The following RASA3 variants were observed in gnomAD, a reference collection of about 807,000 sequenced individuals.
RASA3 encodes the protein ras GTPase-activating protein 3.
Under a neutral mutation model 110.0 loss-of-function variants are expected in RASA3, and 73 were observed. That is an observed-to-expected ratio of 0.66 (90% CI 0.55 to 0.81). The LOEUF (loss-of-function observed/expected upper bound fraction) is 0.81. Among genes scored for constraint, RASA3 ranks in the 30% least tolerant of loss-of-function variants. RASA3 has a pLI of 0.00. For synonymous variants in RASA3, 500 were observed against 451.4 expected (o/e 1.11, Z -1.37); for missense variants, 976 against 1,113.2 (o/e 0.88, Z 1.75).
At chr13:114,119,906 TC>T (rs2080348514) in intron 1 of RASA3, among the ~76,000 whole-genome samples, 16 of 5,502 alleles carry the variant, frequency 2.9e-3, no homozygotes, top group South Asian at 0.013. Flanking sequence ...AGGGCCCCCC[TC>T]CCCTCTCCAG....
intron 2 of RASA3, among the ~76,000 whole-genome samples, chr13:114,070,544 A>G (rs553539334): frequency 6.6e-6 from 1 of 152,186 alleles, no homozygotes; most frequent in Non-Finnish European, 1.5e-5. Context: ...CCCTCACACT[A>G]CAGGGGCGGC....
chr13:114,073,180 T>C (rs2079603750), intron 2 of RASA3, among the ~76,000 whole-genome samples: 1 of 151,402 alleles, frequency 6.6e-6, no homozygotes, highest in African/African-American at 2.4e-5. Context: ...AAAAATTCCC[T>C]ACACGCAGGA....
chr13:114,050,216 G>T (rs963816884), intron 3 of RASA3, among the ~76,000 whole-genome samples: 5 of 152,154 alleles, frequency 3.3e-5, no homozygotes, highest in Non-Finnish European at 7.4e-5. Context: ...GGGTCACGCT[G>T]GACCCTCAAG....
chr13:114,076,781 G>C (rs1183011874), intron 1 of RASA3, among the ~76,000 whole-genome samples: 1 of 152,096 alleles, frequency 6.6e-6, no homozygotes, highest in Non-Finnish European at 1.5e-5. Flanking sequence ...AGTCGGACAG[G>C]GGCCCCTCCA....
At chr13:114,010,208 C>T (rs1403205645) in intron 16 of RASA3, among the ~76,000 whole-genome samples, 1 of 152,202 alleles carries the variant, frequency 6.6e-6, no homozygotes, top group East Asian at 1.9e-4. Context: ...CCCAAGCGGG[C>T]TGCTCCTCCA....
intron 2 of RASA3, among the ~76,000 whole-genome samples, chr13:114,062,576 G>C (rs900093114): frequency 1.5e-5 from 2 of 133,300 alleles, no homozygotes; most frequent in Admixed American, 1.6e-4. Context: ...ACTCGGACAC[G>C]CGTGCTCACA....
chr13:114,087,279 C>CT (rs2079832431), intron 1 of RASA3, among the ~76,000 whole-genome samples: 1 of 150,142 alleles, frequency 6.7e-6, no homozygotes, highest in Admixed American at 6.6e-5. Flanking sequence ...GCGGGGAAAT[C>CT]ACAGGAAGTG....
At chr13:114,022,631 G>A (rs1389608123) in intron 8 of RASA3, among the ~76,000 whole-genome samples, 2 of 152,218 alleles carry the variant, frequency 1.3e-5, no homozygotes, top group Non-Finnish European at 2.9e-5. Flanking sequence ...AGGCTGCACA[G>A]GAACCCACAG....
rs2052836958 is a variant in RASA3 at position 113,978,789 on chromosome 13, T to C, written c.*558A>G. On this transcript the variant is annotated 3_prime_UTR_variant, in exon 24 of 24. Transcript: ENST00000334062. ...CCAGGAATCAAACGAACCTCGAAAG[T>C]GGAACAGGGAGGCCGCCTCCCATGG... The C allele has an allele frequency of 6.5e-6, 1 of 153,644 alleles. No individual in the cohort carries two copies. The highest frequency in any genetic ancestry group is 6.4e-5 in the Admixed American group (1 of 15,606). 9.5% of individuals were successfully genotyped at this position (153,644 alleles called of 1,614,324 possible).
chr13:114,065,800 C>T lies in RASA3; in HGVS notation c.173+7920G>A, dbSNP rs2079438104. 6.6e-6 allele frequency among the ~76,000 whole-genome samples: 1 copy of T among 152,234 alleles called. No individual in the cohort carries two copies. Among genetic ancestry groups the T allele is most frequent in the Non-Finnish European group, 1.5e-5 (1 of 68,038 alleles). On this transcript the variant is annotated intron_variant, in intron 2 of 23. Coordinates refer to ENST00000334062, the MANE Select transcript of RASA3 (RefSeq NM_007368.4). This position sits in a 1 kb window ranked among gnomAD's most constrained non-coding sequence, Gnocchi z 4.1. ...ACTCACCACCCAGCACGGCAGGTCT[C>T]AGCGGAAGCCCCACACACACTGGGT...
chr13:114,033,036 G>A (rs1332353706), intron 4 of RASA3, among the ~76,000 whole-genome samples: 3 of 51,152 alleles, frequency 5.9e-5, no homozygotes, highest in Non-Finnish European at 1.1e-4. Flanking sequence ...CACGTTCCAC[G>A]GCACCCCCAC....
At chr13:114,106,803 C>T (rs938689320) in intron 1 of RASA3, among the ~76,000 whole-genome samples, 63 of 152,208 alleles carry the variant, frequency 4.1e-4, no homozygotes, top group Non-Finnish European at 7.9e-4. Context: ...GGAAGGCACA[C>T]GGCCCACAGA....
chr13:114,109,330 C>T (rs1203412492), intron 1 of RASA3, among the ~76,000 whole-genome samples: 2 of 152,168 alleles, frequency 1.3e-5, no homozygotes, highest in South Asian at 2.1e-4. Flanking sequence ...AGGCCTTCCT[C>T]GAACTCAGCT....
At chr13:114,123,512 G>C (rs2080406439) in intron 1 of RASA3, among the ~76,000 whole-genome samples, 2 of 152,260 alleles carry the variant, frequency 1.3e-5, no homozygotes, top group South Asian at 4.1e-4. Context: ...CGAACAGCCA[G>C]CCTGGGTCTA....
In RASA3 at chr13:114,001,000, ACCC is replaced by A. The variant is rs958775086; in HGVS notation, c.1743-71_1743-69del. 3.1e-5 allele frequency: 31 copies of A among 1,003,096 alleles called. No individual in the cohort carries two copies. The Admixed American group carries it at 5.5e-4, about 18-fold the overall frequency. 62.1% of individuals were successfully genotyped at this position (1,003,096 alleles called of 1,614,324 possible). A position where few individuals can be genotyped will look rare whatever the true frequency, so the allele number is the denominator to read the frequency against. Reference sequence around the variant, plus strand: ...CCTCCCTGCACAGGTGAAAAACCACACCCCCCACTTTCTGCGTTCTGAGACCTG... The same window carrying A: ...CCTCCCTGCACAGGTGAAAAACCACACCCACTTTCTGCGTTCTGAGACCTG... On this transcript the variant is annotated intron_variant, in intron 18 of 23. Coordinates refer to ENST00000334062, the MANE Select transcript of RASA3 (RefSeq NM_007368.4).
At chr13:114,094,648 C>T (rs1287509904) in intron 1 of RASA3, among the ~76,000 whole-genome samples, 1 of 152,214 alleles carries the variant, frequency 6.6e-6, no homozygotes, top group East Asian at 1.9e-4. Flanking sequence ...ATAGAGGCAA[C>T]ATTGGCAAAT....
At chr13:114,073,998 T>C (rs1439122038) in intron 1 of RASA3, among the ~76,000 whole-genome samples, 161 bp from the exon 2 acceptor site, 2 of 152,186 alleles carry the variant, frequency 1.3e-5, no homozygotes, top group Non-Finnish European at 2.9e-5. Context: ...GTGCACCCCA[T>C]GTGTACTGCC....
chr13:114,073,725 T>A lies in RASA3; in HGVS notation c.168A>T (p.Ser56=). 1 of 1,612,012 alleles carries A rather than the reference T, an allele frequency of 6.2e-7. No individual in the cohort carries two copies. The highest frequency in any genetic ancestry group is 8.5e-7 in the Non-Finnish European group (1 of 1,178,098). Residue 56 remains serine, a synonymous_variant, in exon 2 of 24, where the codon TCA becomes TCT. Transcript: ENST00000334062. ...AAAGCAACAGAAGACATTACCAGAG[T>A]GACTTTTCCACAATTTTGGTCCTGA... ...EVFRTKIVEK[S]LCPFYGEDFY...
chr13:114,029,680 A>G (rs1300805257), intron 5 of RASA3, 131 bp downstream of exon 5: 4 of 886,702 alleles, frequency 4.5e-6, no homozygotes, highest in Admixed American at 4.1e-5. Flanking sequence ...CAGGACCTCT[A>G]AACAGTGTCA....
Sources: allele counts gnomAD v4.1 joint callset (sites outside exome capture counted in the v4.1 genomes callset), GRCh38; gene constraint gnomAD v4.1.1; non-coding constraint Gnocchi (gnomAD v3.1); transcripts MANE v1.5; gene names NCBI Gene and HGNC (gene_info 2026-07-23, HGNC 2026-07-21).